The following ZNF555 variants were observed in gnomAD, a reference collection of about 807,000 sequenced individuals.
The protein encoded by ZNF555 is zinc finger protein 555.
Under a neutral mutation model 14.0 loss-of-function variants are expected in ZNF555, and 10 were observed. The observed-to-expected ratio is 0.72, with a 90% CI of 0.44 to 1.21. The LOEUF (loss-of-function observed/expected upper bound fraction) is 1.21. ZNF555 is among the 50% of genes most tolerant of loss of function. The pLI, the probability that ZNF555 is intolerant of heterozygous loss-of-function variation, is 0.00. For synonymous variants in ZNF555, 277 were observed against 262.4 expected (o/e 1.06, Z -0.54); for missense variants, 747 against 762.0 (o/e 0.98, Z 0.23).
chr19:2,841,532 C>T lies in ZNF555; in HGVS notation c.-41C>T, dbSNP rs1428251217. 3.9e-6 allele frequency: 6 copies of T among 1,545,136 alleles called. No individual in the cohort carries two copies. Among genetic ancestry groups the T allele is most frequent in the Admixed American group, 2.0e-5 (1 of 50,746 alleles). On this transcript the variant is annotated 5_prime_UTR_variant, in exon 1 of 4. Coordinates refer to ENST00000334241, the MANE Select transcript of ZNF555 (RefSeq NM_152791.5). The stretch of plus-strand genomic sequence containing the variant: ...CGGTCCCTGGCGTCCCGGTTCCTGT[C>T]GCGCTCACCTGCGCCGGTAGCGAAG...
In ZNF555 at chr19:2,855,976, G is replaced by A. The variant is rs747280787; in HGVS notation, c.*2024G>A. ...CTCTCTTTTCGCATACTGAGGCACC[G>A]CGAATTAAGATTTCAACGTAAAAAT... is the stretch of plus-strand genomic sequence containing the variant. On this transcript the variant is annotated 3_prime_UTR_variant, in exon 4 of 4. Coordinates refer to ENST00000334241, the MANE Select transcript of ZNF555 (RefSeq NM_152791.5). The A allele has an allele frequency of 7.2e-5, 11 of 151,874 alleles. No homozygotes were observed. Among genetic ancestry groups the A allele is most frequent in the Admixed American group, 2.6e-4 (4 of 15,234 alleles). 9.4% of individuals were successfully genotyped at this position (151,874 alleles called of 1,614,324 possible).
Position 2,841,510 on chromosome 19 carries a change from T to A in ZNF555, c.-63T>A. The stretch of plus-strand genomic sequence containing the variant: ...TGAGTGCCCCGCCTGCCCCTAGCGG[T>A]CCCTGGCGTCCCGGTTCCTGTCGCG... On this transcript the variant is annotated 5_prime_UTR_variant, in exon 1 of 4. Coordinates refer to ENST00000334241, the MANE Select transcript of ZNF555 (RefSeq NM_152791.5). 1 of 1,544,990 alleles carries A rather than the reference T, an allele frequency of 6.5e-7. No homozygotes were observed. The highest frequency in any genetic ancestry group is 8.7e-7 in the Non-Finnish European group (1 of 1,144,250).
chr19:2,843,949 A>G (rs958384652), intron 1 of ZNF555, among the ~76,000 whole-genome samples: 6 of 152,074 alleles, frequency 3.9e-5, no homozygotes, highest in Non-Finnish European at 7.4e-5. Flanking sequence ...GCTCATTGCA[A>G]TCTCTGCCTA....
chr19:2,846,803 T>C (rs141166631), intron 1 of ZNF555, among the ~76,000 whole-genome samples: 37 of 152,312 alleles, frequency 2.4e-4, no homozygotes, highest in African/African-American at 7.7e-4. Flanking sequence ...AGAGTCCAAA[T>C]TGACAGTTAA....
chr19:2,860,312 A>G lies in ZNF555; in HGVS notation c.*6360A>G, dbSNP rs960443738. The G allele has an allele frequency of 9.2e-5, 14 of 151,436 alleles. No homozygotes were observed. The highest frequency in any genetic ancestry group is 3.2e-4 in the African/African-American group (13 of 41,198). The allele number at this position is 151,436 out of a possible 1,614,324, so 9.4% of individuals were successfully genotyped here. A position where few individuals can be genotyped will look rare whatever the true frequency, so the allele number is the denominator to read the frequency against. On this transcript the variant is annotated 3_prime_UTR_variant, in exon 4 of 4. Transcript: ENST00000334241. ...CAGGAAAGAGTGTCTGTGAATGTCC[A>G]TGTGTCTCACTGCACAGCTGTGATT... is the stretch of plus-strand genomic sequence containing the variant.
At chr19:2,844,716 G>T (rs913171307) in intron 1 of ZNF555, among the ~76,000 whole-genome samples, 4 of 152,232 alleles carry the variant, frequency 2.6e-5, no homozygotes, top group Non-Finnish European at 5.9e-5. Context: ...ATCCAGGCTA[G>T]CTTATGCCAG....
intron 1 of ZNF555, among the ~76,000 whole-genome samples, chr19:2,843,061 C>T (rs1185905432): frequency 1.3e-5 from 2 of 151,946 alleles, no homozygotes; most frequent in African/African-American, 2.4e-5. Flanking sequence ...AAAAAAACTT[C>T]CAACGGGGTG....
Position 2,851,555 on chromosome 19 carries a change from C to T in ZNF555, c.218C>T (p.Thr73Met), listed in dbSNP as rs369544612. 1.0e-4 allele frequency: 162 copies of T among 1,612,800 alleles called. No homozygotes were observed. Among genetic ancestry groups the T allele is most frequent in the Middle Eastern group, 5.0e-4 (3 of 6,060 alleles). The change falls in exon 3 of 4, where the codon ACG becomes ATG. Residue 73 changes from threonine (T) to methionine (M), a missense_variant. By Grantham distance (81) the Thr-to-Met change is moderately conservative. Coordinates refer to ENST00000334241, the MANE Select transcript of ZNF555 (RefSeq NM_152791.5). Reference protein sequence around the residue: ...EKIPKESKIATFTRNVSWASV... With the variant: ...EKIPKESKIAMFTRNVSWASV... ...ATACCCAAGGAATCTAAAATAGCCA[C>T]GTTCACCAGAAATGTTTCCTGGGCC... is the stretch of plus-strand genomic sequence containing the variant.
At chr19:2,845,567 C>A (rs1254354008) in intron 1 of ZNF555, among the ~76,000 whole-genome samples, 1 of 152,192 alleles carries the variant, frequency 6.6e-6, no homozygotes, top group African/African-American at 2.4e-5. Flanking sequence ...TACTAACTTA[C>A]ATTCCCTCCA....
At chr19:2,850,303 A>G (rs556207566) in intron 1 of ZNF555, among the ~76,000 whole-genome samples, 1 of 152,358 alleles carries the variant, frequency 6.6e-6, no homozygotes, top group African/African-American at 2.4e-5. Context: ...TTTCACTTAT[A>G]TAGCATTTGT....
intron 1 of ZNF555, among the ~76,000 whole-genome samples, chr19:2,846,244 G>A (rs912517607): frequency 5.3e-5 from 8 of 152,230 alleles, no homozygotes; most frequent in African/African-American, 1.7e-4. Flanking sequence ...TTCAGGAACT[G>A]GGGCCACTTG....
rs1043050040 is a variant in ZNF555 at position 2,852,301 on chromosome 19, G to A, written c.315-79G>A. On this transcript the variant is annotated intron_variant, in intron 3 of 3. Transcript: ENST00000334241. ...AAAAACCTATGCTTTCACTGAAAATGGTTAAGATGCAGTCCTAATCCTAAT... is the reference window on the plus strand; with the variant it reads ...AAAAACCTATGCTTTCACTGAAAATAGTTAAGATGCAGTCCTAATCCTAAT... 3.1e-5 allele frequency: 48 copies of A among 1,549,896 alleles called. No homozygotes were observed. In the South Asian group the frequency reaches 4.7e-4, roughly 15 times the overall value.
In ZNF555 at chr19:2,841,499, G is replaced by T. The variant is rs969675443; in HGVS notation, c.-74G>T. ...TGTCCTAGCCGTGAGTGCCCCGCCTGCCCCTAGCGGTCCCTGGCGTCCCGG... is the reference window on the plus strand; with the variant it reads ...TGTCCTAGCCGTGAGTGCCCCGCCTTCCCCTAGCGGTCCCTGGCGTCCCGG... On this transcript the variant is annotated 5_prime_UTR_variant, in exon 1 of 4. Coordinates refer to ENST00000334241, the MANE Select transcript of ZNF555 (RefSeq NM_152791.5). 4.9e-5 allele frequency: 75 copies of T among 1,543,336 alleles called. No individual in the cohort carries two copies. The highest frequency in any genetic ancestry group is 2.3e-4 in the South Asian group (19 of 83,868).
Position 2,853,253 on chromosome 19 carries a change from T to C in ZNF555, c.1188T>C (p.Tyr396=). 6.2e-7 allele frequency: 1 copy of C among 1,614,024 alleles called. No individual in the cohort carries two copies. The highest frequency in any genetic ancestry group is 8.5e-7 in the Non-Finnish European group (1 of 1,179,994). Residue 396 remains tyrosine, a synonymous_variant, in exon 4 of 4, where the codon TAT becomes TAC. Coordinates refer to ENST00000334241, the MANE Select transcript of ZNF555 (RefSeq NM_152791.5). Reference sequence around the variant, plus strand: ...GGACTCATGGTGGAGAGAAACCCTATGAATGCAACCAGTGCGGGAAAGCAT... The same window carrying C: ...GGACTCATGGTGGAGAGAAACCCTACGAATGCAACCAGTGCGGGAAAGCAT... ...HERTHGGEKP[Y]ECNQCGKAFS...
Position 2,853,786 on chromosome 19 carries a change from A to G in ZNF555, c.1721A>G (p.Asn574Ser), listed in dbSNP as rs947815319. Residue 574 changes from asparagine to serine, a missense_variant, in exon 4 of 4, where the codon AAT becomes AGT. Coordinates refer to ENST00000334241, the MANE Select transcript of ZNF555 (RefSeq NM_152791.5). ...TGTAAGCATTGTGGGAAAGCATTCA[A>G]TTGTTCCTCATCCTTAAGGCGACAT... ...YQCKHCGKAF[N>S]CSSSLRRHVR... 1 of 1,612,266 alleles carries G rather than the reference A, an allele frequency of 6.2e-7. No individual in the cohort carries two copies. The highest frequency in any genetic ancestry group is 8.5e-7 in the Non-Finnish European group (1 of 1,178,938).
Position 2,858,708 on chromosome 19 carries a change from A to C in ZNF555, c.*4756A>C, listed in dbSNP as rs2087704837. ...GTGGCAGAACCCATGCCATGGAGACACGCCCATCAGCCACAGCAGCTCCTG... is the reference window on the plus strand; with the variant it reads ...GTGGCAGAACCCATGCCATGGAGACCCGCCCATCAGCCACAGCAGCTCCTG... On this transcript the variant is annotated 3_prime_UTR_variant, in exon 4 of 4. Coordinates refer to ENST00000334241, the MANE Select transcript of ZNF555 (RefSeq NM_152791.5). The C allele has an allele frequency of 6.6e-6, 1 of 152,348 alleles. No homozygotes were observed. Among genetic ancestry groups the C allele is most frequent in the South Asian group, 2.1e-4 (1 of 4,836 alleles). 9.4% of individuals were successfully genotyped at this position (152,348 alleles called of 1,614,324 possible). A position where few individuals can be genotyped will look rare whatever the true frequency, so the allele number is the denominator to read the frequency against.
rs1482930732 is a variant in ZNF555 at position 2,854,529 on chromosome 19, A to G, written c.*577A>G. The G allele has an allele frequency of 6.5e-6, 1 of 153,604 alleles. No homozygotes were observed. The highest frequency in any genetic ancestry group is 1.5e-5 in the Non-Finnish European group (1 of 68,952). 9.5% of individuals were successfully genotyped at this position (153,604 alleles called of 1,614,324 possible). On this transcript the variant is annotated 3_prime_UTR_variant, in exon 4 of 4. Coordinates refer to ENST00000334241, the MANE Select transcript of ZNF555 (RefSeq NM_152791.5). ...TTAGGAACTTCATTTGCTGGAATGC[A>G]TTTCCTTTATGGTTCCATGTCCAAA...
intron 1 of ZNF555, among the ~76,000 whole-genome samples, chr19:2,844,124 GGGAGTTTCACCCT>G (rs2087562976): frequency 7.0e-6 from 1 of 142,848 alleles, no homozygotes; most frequent in East Asian, 2.0e-4. Flanking sequence ...TTTTTAAAGA[GGGAGTTTCACCCT>G]TTTCGCCCAG....
At chr19:2,852,241 A>G in intron 3 of ZNF555, 139 bp from the exon 4 acceptor site, 4 of 945,634 alleles carry the variant, frequency 4.2e-6, no homozygotes, top group Non-Finnish European at 4.7e-6. Flanking sequence ...CAGGGCATTC[A>G]GTTTATTTCA....
Sources: allele counts gnomAD v4.1 joint callset (sites outside exome capture counted in the v4.1 genomes callset), GRCh38; gene constraint gnomAD v4.1.1; transcripts MANE v1.5; gene names NCBI Gene and HGNC (gene_info 2026-07-23, HGNC 2026-07-21).